TK2: variants seen among roughly 807,000 people sequenced by gnomAD.
The protein encoded by TK2 is thymidine kinase 2, mitochondrial.
In TK2, 35 loss-of-function variants were observed where a neutral mutation model predicts 41.9. The observed-to-expected ratio is 0.84, with a 90% CI of 0.64 to 1.11. TK2 has a LOEUF of 1.11. Among genes scored for constraint, TK2 ranks in the 50% least tolerant of loss-of-function variants. The pLI is 0.00. For synonymous variants in TK2, 128 were observed against 129.1 expected, an observed-to-expected ratio of 0.99 and a Z score of 0.06; for missense variants, 320 against 351.1, an observed-to-expected ratio of 0.91 and a Z score of 0.71.
Position 66,517,769 on chromosome 16 carries a change from G to A in TK2, c.538+20C>T. On this transcript the variant is annotated intron_variant, in intron 7 of 9. Coordinates refer to ENST00000544898, the MANE Select transcript of TK2 (RefSeq NM_004614.5). This position sits in a 1 kb window ranked among gnomAD's most constrained non-coding sequence, Gnocchi z 4.3. ...CCCAGGAGAGAGACAAGAGAGGGAG[G>A]TGGGAGGGGTGCATCTCACCTATCA... 1 of 1,610,986 alleles carries A rather than the reference G, an allele frequency of 6.2e-7. No homozygotes were observed. The highest frequency in any genetic ancestry group is 8.5e-7 in the Non-Finnish European group (1 of 1,177,138).
intron 6 of TK2, among the ~76,000 whole-genome samples, chr16:66,523,890 C>T (rs1318869166): frequency 2.0e-5 from 3 of 152,154 alleles, no homozygotes; most frequent in East Asian, 1.9e-4. Flanking sequence ...AGTAATACTT[C>T]GTTGTGGATG....
intron 6 of TK2, among the ~76,000 whole-genome samples, chr16:66,527,529 G>A (rs1459788213): frequency 6.6e-6 from 1 of 152,136 alleles, no homozygotes; most frequent in Non-Finnish European, 1.5e-5. Flanking sequence ...AGCCTGCTCT[G>A]TGCTGGGTCC....
At chr16:66,530,340 C>T (rs957336013) in intron 5 of TK2, among the ~76,000 whole-genome samples, 7 of 152,202 alleles carry the variant, frequency 4.6e-5, no homozygotes, top group Non-Finnish European at 8.8e-5. Context: ...ATAGGTTGTG[C>T]TTACAGCTTT....
At chr16:66,545,193 G>A (rs990249903) in intron 2 of TK2, among the ~76,000 whole-genome samples, 1 of 151,852 alleles carries the variant, frequency 6.6e-6, no homozygotes, top group Admixed American at 6.6e-5. Flanking sequence ...GTATTTATCA[G>A]TTGGATTTCT....
chr16:66,529,046 C>T lies in TK2; in HGVS notation c.397G>A (p.Glu133Lys), dbSNP rs1474152119. 1 of 1,614,118 alleles carries T rather than the reference C, an allele frequency of 6.2e-7. No individual in the cohort carries two copies. The highest frequency in any genetic ancestry group is 8.5e-7 in the Non-Finnish European group (1 of 1,180,038). ...TATCTTGCGCTGTGAATCGACCTCT[C>T]CATCAACCGTACAGATGACACCTAA... ...RPQVSSVRLMERSIHSARYIF... is the reference protein window; with the variant it reads ...RPQVSSVRLMKRSIHSARYIF... Residue 133 changes from glutamate to lysine, a missense_variant, in exon 6 of 10, where the codon GAG becomes AAG. Transcript: ENST00000544898.
Position 66,517,005 on chromosome 16 carries a change from C to T in TK2, c.618+131G>A, listed in dbSNP as rs1271090947. ...GGAAGTCAGAGTTCACCCTCTGATA[C>T]ACTTGGTTCCTGTTCTCTCTCTGCA... On this transcript the variant is annotated intron_variant, in intron 8 of 9. Transcript: ENST00000544898. The surrounding 1 kb of genome is among the most constrained non-coding windows in gnomAD (Gnocchi z 4.3). 2 of 848,314 alleles carry T rather than the reference C, an allele frequency of 2.4e-6. No homozygotes were observed. Among genetic ancestry groups the T allele is most frequent in the Non-Finnish European group, 4.1e-6 (2 of 489,014 alleles). 52.5% of individuals were successfully genotyped at this position (848,314 alleles called of 1,614,324 possible). A position where few individuals can be genotyped will look rare whatever the true frequency, so the allele number is the denominator to read the frequency against.
rs1964428053 is a variant in TK2 at position 66,510,791 on chromosome 16, C to T, written c.*1177G>A. The T allele has an allele frequency of 6.6e-6, 1 of 152,194 alleles. No homozygotes were observed. 9.4% of individuals were successfully genotyped at this position (152,194 alleles called of 1,614,324 possible). On this transcript the variant is annotated 3_prime_UTR_variant, in exon 10 of 10. Transcript: ENST00000544898. ...GCAAATCCCAACTTTCCAGACTATC[C>T]CCAAAGGGAACGTTCTTTCTTTCTC...
intron 4 of TK2, among the ~76,000 whole-genome samples, chr16:66,533,134 A>G (rs1274497072): frequency 6.9e-6 from 1 of 145,722 alleles, no homozygotes; most frequent in East Asian, 2.2e-4. Flanking sequence ...CAGTGGCATG[A>G]TCTCAGCTCA....
Position 66,510,326 on chromosome 16 carries a change from CAT to C in TK2, c.*1640_*1641del, listed in dbSNP as rs2144327433. ...TACAAATTCTCAAAGACAGACCCCA[CAT>C]GTCAAGATTCCTGGTAGCAAAGGTT... On this transcript the variant is annotated 3_prime_UTR_variant, in exon 10 of 10. Coordinates refer to ENST00000544898, the MANE Select transcript of TK2 (RefSeq NM_004614.5). 6.6e-6 allele frequency: 1 copy of C among 152,244 alleles called. No individual in the cohort carries two copies. The highest frequency in any genetic ancestry group is 1.5e-5 in the Non-Finnish European group (1 of 68,024). 9.4% of individuals were successfully genotyped at this position (152,244 alleles called of 1,614,324 possible). A position where few individuals can be genotyped will look rare whatever the true frequency, so the allele number is the denominator to read the frequency against.
chr16:66,538,274 T>C (rs1408964738), intron 3 of TK2, among the ~76,000 whole-genome samples: 1 of 152,120 alleles, frequency 6.6e-6, no homozygotes, highest in Admixed American at 6.5e-5. Flanking sequence ...CTGACCAGCA[T>C]TCCCACCCCA....
intron 9 of TK2, among the ~76,000 whole-genome samples, chr16:66,512,784 A>AAAAC (rs1211554423): frequency 6.6e-6 from 1 of 152,192 alleles, no homozygotes; most frequent in African/African-American, 2.4e-5. Flanking sequence ...CTCTGTCTCA[A>AAAAC]AAACAAACAA....
rs1964544392 is a variant in TK2, at chr16:66,514,379, C to T, written c.619-568G>A. 6.6e-6 allele frequency among the ~76,000 whole-genome samples: 1 copy of T among 152,202 alleles called. No homozygotes were observed. Among genetic ancestry groups the T allele is most frequent in the South Asian group, 2.1e-4 (1 of 4,838 alleles). ...CGAGTGATCCGCCAGCCTCGGCCTC[C>T]CGAGGTGCCGGGATTGCAGACGGAG... On this transcript the variant is annotated intron_variant, in intron 8 of 9. Coordinates refer to ENST00000544898, the MANE Select transcript of TK2 (RefSeq NM_004614.5). The surrounding 1 kb of genome is among the most constrained non-coding windows in gnomAD (Gnocchi z 4.2).
Position 66,511,374 on chromosome 16 carries a change from G to A in TK2, c.*594C>T, listed in dbSNP as rs1177090503. On this transcript the variant is annotated 3_prime_UTR_variant, in exon 10 of 10. Coordinates refer to ENST00000544898, the MANE Select transcript of TK2 (RefSeq NM_004614.5). ...ATATTGGGAAAATGTTATCAGCTCC[G>A]CACACTGCCAGCTCTCCCCAAAGAG... is the stretch of plus-strand genomic sequence containing the variant. 2.8e-5 allele frequency: 5 copies of A among 181,774 alleles called. No individual in the cohort carries two copies. Among genetic ancestry groups the A allele is most frequent in the African/African-American group, 1.2e-4 (5 of 41,954 alleles). The allele number at this position is 181,774 out of a possible 1,614,324, so 11.3% of individuals were successfully genotyped here. A position where few individuals can be genotyped will look rare whatever the true frequency, so the allele number is the denominator to read the frequency against.
rs1056711647 is a variant in TK2, at chr16:66,509,387, T to C, written c.*2581A>G. ...ACCACCCCACTACACACTTCTTTTA[T>C]GTAAAAGATAAATATATTTCTATCT... is the stretch of plus-strand genomic sequence containing the variant. On this transcript the variant is annotated 3_prime_UTR_variant, in exon 10 of 10. Coordinates refer to ENST00000544898, the MANE Select transcript of TK2 (RefSeq NM_004614.5). 7 of 152,192 alleles carry C rather than the reference T, an allele frequency of 4.6e-5. No individual in the cohort carries two copies. In the East Asian group the frequency reaches 1.3e-3, roughly 29 times the overall value. The allele number at this position is 152,192 out of a possible 1,614,324, so 9.4% of individuals were successfully genotyped here. A position where few individuals can be genotyped will look rare whatever the true frequency, so the allele number is the denominator to read the frequency against.
In TK2 at chr16:66,517,448, A is replaced by G; in HGVS notation, c.539-233T>C. The G allele has an allele frequency of 1.6e-6, 1 of 617,520 alleles. No individual in the cohort carries two copies. Among genetic ancestry groups the G allele is most frequent in the Non-Finnish European group, 2.9e-6 (1 of 346,112 alleles). 38.3% of individuals were successfully genotyped at this position (617,520 alleles called of 1,614,324 possible). ...GATTCTGTTCATAGACAGAGCTCAAAACAGGCCTCACACCCAGCAGGTCTC... is the reference window on the plus strand; with the variant it reads ...GATTCTGTTCATAGACAGAGCTCAAGACAGGCCTCACACCCAGCAGGTCTC... On this transcript the variant is annotated intron_variant, in intron 7 of 9. Transcript: ENST00000544898. The surrounding 1 kb of genome is among the most constrained non-coding windows in gnomAD (Gnocchi z 4.3).
chr16:66,529,185 C>T (rs890389480), intron 5 of TK2, 118 bp from the exon 6 acceptor site: 59 of 971,284 alleles, frequency 6.1e-5, no homozygotes, highest in African/African-American at 4.8e-5. Flanking sequence ...AGAATCAAGG[C>T]GGCAGAGAGA....
In TK2 at chr16:66,509,460, A is replaced by G. The variant is rs1161300114; in HGVS notation, c.*2508T>C. On this transcript the variant is annotated 3_prime_UTR_variant, in exon 10 of 10. Transcript: ENST00000544898. ...CATAAGGTATTTTTAAATGGTTATA[A>G]TCATATATTTTACATGTACTGTCAA... 3 of 152,248 alleles carry G rather than the reference A, an allele frequency of 2.0e-5. No homozygotes were observed. In the East Asian group the frequency reaches 5.8e-4, roughly 29 times the overall value. 9.4% of individuals were successfully genotyped at this position (152,248 alleles called of 1,614,324 possible). A position where few individuals can be genotyped will look rare whatever the true frequency, so the allele number is the denominator to read the frequency against.
chr16:66,549,544 CG>C, intron 1 of TK2: 2 of 1,050,988 alleles, frequency 1.9e-6, no homozygotes, highest in Admixed American at 5.2e-5. Context: ...AGGAGAGCGC[CG>C]GGGGCGTAAC....
At chr16:66,543,850 C>T (rs1353703791) in intron 2 of TK2, among the ~76,000 whole-genome samples, 1 of 152,096 alleles carries the variant, frequency 6.6e-6, no homozygotes. Context: ...AGACACAAGG[C>T]CACTCTCCCA....
Sources: gnomAD v4.1 joint callset for allele counts (sites outside exome capture counted in the v4.1 genomes callset) on GRCh38, gnomAD v4.1.1 for gene constraint, Gnocchi (gnomAD v3.1) non-coding constraint, MANE v1.5 for transcripts, NCBI Gene and HGNC (gene_info 2026-07-23, HGNC 2026-07-21) for gene names.